Variants in SORCS3 observed in about 807,000 individuals in gnomAD.
The protein encoded by SORCS3 is VPS10 domain-containing receptor SorCS3.
Under a neutral mutation model 146.3 loss-of-function variants are expected in SORCS3, and 57 were observed. That is an observed-to-expected ratio of 0.39 (90% CI 0.31 to 0.49). The LOEUF (loss-of-function observed/expected upper bound fraction) is 0.49. Ranked by LOEUF, SORCS3 falls within the 20% of genes least tolerant of loss-of-function variation. SORCS3 has a pLI of 0.92. For missense variants in SORCS3, 1,341 were observed against 1,575.5 expected, an observed-to-expected ratio of 0.85 and a Z score of 2.52; for synonymous variants, 653 against 618.5, an observed-to-expected ratio of 1.06 and a Z score of -0.83.
intron 1 of SORCS3, 68 bp downstream of exon 1, chr10:104,642,022 G>GGGGGGCCCCCCC: frequency 3.5e-5 from 6 of 173,332 alleles, no homozygotes; most frequent in Non-Finnish European, 3.3e-5. Context: ...GGGTGGGTGG[G>GGGGGGCCCCCCC]AGCGAGGGAC....
intron 3 of SORCS3, among the ~76,000 whole-genome samples, chr10:104,939,376 G>A (rs1236501989): frequency 6.6e-6 from 1 of 152,162 alleles, no homozygotes; most frequent in Non-Finnish European, 1.5e-5. Context: ...CACAGTGCCT[G>A]GCACTGGGTT....
chr10:104,925,406 G>A (rs1184749580), intron 3 of SORCS3, among the ~76,000 whole-genome samples: 1 of 152,100 alleles, frequency 6.6e-6, no homozygotes, highest in Admixed American at 6.6e-5. Flanking sequence ...CATGATATAA[G>A]GAATATGCAC....
intron 3 of SORCS3, among the ~76,000 whole-genome samples, chr10:104,946,966 A>G (rs948909927): frequency 6.6e-6 from 1 of 152,070 alleles, no homozygotes; most frequent in African/African-American, 2.4e-5. Flanking sequence ...GGATGGATGA[A>G]ACTGTGCTGA....
In SORCS3 at chr10:105,138,668, A is replaced by G. The variant is rs1033574812; in HGVS notation, c.1213-729A>G. On this transcript the variant is annotated intron_variant, in intron 7 of 26. Transcript: ENST00000369701. ...TTCAGCAGGCCCTGGCCAGAGGACC[A>G]TTTCTTGGCGTGGTTTCCACTTTCC... Among the ~76,000 whole-genome samples the G allele has an allele frequency of 2.6e-5, 4 of 152,288 alleles. No individual in the cohort carries two copies. The East Asian group carries it at 5.8e-4, about 22-fold the overall frequency.
chr10:105,252,359 C>G lies in SORCS3; in HGVS notation c.3106-416C>G, dbSNP rs913364608. Reference sequence around the variant, plus strand: ...CTTTAATAAGTGAAAGCAAGTATTGCTCGGCTTTCTTTAAATTTGCATTTT... The same window carrying G: ...CTTTAATAAGTGAAAGCAAGTATTGGTCGGCTTTCTTTAAATTTGCATTTT... On this transcript the variant is annotated intron_variant, in intron 22 of 26. Coordinates refer to ENST00000369701, the MANE Select transcript of SORCS3 (RefSeq NM_014978.3). 6.7e-4 allele frequency among the ~76,000 whole-genome samples: 102 copies of G among 152,176 alleles called. 4 individuals are homozygous for G. Among genetic ancestry groups the G allele is most frequent in the Non-Finnish European group, 8.8e-5 (6 of 68,034 alleles).
At chr10:105,255,155 C>G (rs1438097055) in intron 23 of SORCS3, among the ~76,000 whole-genome samples, 1 of 142,332 alleles carries the variant, frequency 7.0e-6, no homozygotes, top group African/African-American at 2.6e-5. Context: ...CGCCACTGCA[C>G]TCCAACCTGG....
chr10:105,058,919 C>A (rs1272449460), intron 5 of SORCS3, among the ~76,000 whole-genome samples: 1 of 152,150 alleles, frequency 6.6e-6, no homozygotes, highest in East Asian at 1.9e-4. Flanking sequence ...AGTCACTATG[C>A]ATCATATACA....
chr10:105,068,838 G>A (rs150932270), intron 5 of SORCS3, among the ~76,000 whole-genome samples: 14 of 152,270 alleles, frequency 9.2e-5, no homozygotes, highest in African/African-American at 3.4e-4. Flanking sequence ...CAACTAATGT[G>A]TCAGCTTCTT....
intron 4 of SORCS3, among the ~76,000 whole-genome samples, chr10:104,988,152 C>A (rs1426015403): frequency 6.6e-6 from 1 of 152,174 alleles, no homozygotes; most frequent in East Asian, 1.9e-4. Flanking sequence ...GGTCACACAG[C>A]CAGTGAGGGG....
At chr10:104,645,458 A>G (rs2015482644) in intron 1 of SORCS3, among the ~76,000 whole-genome samples, 1 of 152,120 alleles carries the variant, frequency 6.6e-6, no homozygotes, top group Non-Finnish European at 1.5e-5. Flanking sequence ...TCTTGGATTA[A>G]CCCTTCATGG....
intron 2 of SORCS3, among the ~76,000 whole-genome samples, chr10:104,898,101 A>G (rs2018817346): frequency 6.6e-6 from 1 of 152,202 alleles, no homozygotes; most frequent in Non-Finnish European, 1.5e-5. Flanking sequence ...GTATCTGAAG[A>G]ACGTGAGTTC....
chr10:104,659,951 G>A (rs536633861), intron 1 of SORCS3, among the ~76,000 whole-genome samples: 69 of 152,258 alleles, frequency 4.5e-4, no homozygotes, highest in African/African-American at 1.6e-3. Context: ...GGGGAGGGAG[G>A]ACTATGTGAA....
At chr10:105,056,028 C>T (rs987170980) in intron 5 of SORCS3, among the ~76,000 whole-genome samples, 2 of 152,140 alleles carry the variant, frequency 1.3e-5, no homozygotes, top group African/African-American at 4.8e-5. Flanking sequence ...TAGGACTGCT[C>T]AGAAGGTAAA....
intron 1 of SORCS3, among the ~76,000 whole-genome samples, chr10:104,806,163 G>A (rs984305833): frequency 1.3e-5 from 2 of 152,202 alleles, no homozygotes; most frequent in Admixed American, 1.3e-4. Context: ...CACATGGCTA[G>A]TAATTTAGAA....
Position 104,713,365 on chromosome 10 carries a change from C to T in SORCS3, c.627+71411C>T, listed in dbSNP as rs527848164. 5.1e-4 allele frequency among the ~76,000 whole-genome samples: 78 copies of T among 152,264 alleles called. No individual in the cohort carries two copies. The Middle Eastern group carries it at 0.01, about 20-fold the overall frequency. On this transcript the variant is annotated intron_variant, in intron 1 of 26. Coordinates refer to ENST00000369701, the MANE Select transcript of SORCS3 (RefSeq NM_014978.3). ...ACCTGAGGGAAAAATCAGCTTTCAC[C>T]TTTTGTCCTTTTCTGTGGGATGTTT...
At position 104,722,542 on chromosome 10, in the gene SORCS3, C is replaced by G. The variant is rs571929561; in HGVS notation, c.627+80588C>G. Among the ~76,000 whole-genome samples the G allele has an allele frequency of 2.0e-5, 3 of 152,296 alleles. No homozygotes were observed. The South Asian group carries it at 6.2e-4, about 32-fold the overall frequency. On this transcript the variant is annotated intron_variant, in intron 1 of 26. Coordinates refer to ENST00000369701, the MANE Select transcript of SORCS3 (RefSeq NM_014978.3). ...CTTTTTCTATTGATTGGAAAAGTTT[C>G]AGAAGGAATGGTACCAGCCCCTCCT... is the stretch of plus-strand genomic sequence containing the variant.
At chr10:105,073,981 T>C (rs1275361775) in intron 5 of SORCS3, among the ~76,000 whole-genome samples, 1 of 152,220 alleles carries the variant, frequency 6.6e-6, no homozygotes, top group Non-Finnish European at 1.5e-5. Flanking sequence ...CCTCCCACTT[T>C]TCCTCTGCTG....
At chr10:105,221,557 C>T (rs1297831554) in intron 19 of SORCS3, among the ~76,000 whole-genome samples, 1 of 152,144 alleles carries the variant, frequency 6.6e-6, no homozygotes, top group African/African-American at 2.4e-5. Context: ...AGGATTAAGA[C>T]TCATAAGATA....
chr10:105,066,092 T>C (rs2055520998), intron 5 of SORCS3, among the ~76,000 whole-genome samples: 1 of 152,216 alleles, frequency 6.6e-6, no homozygotes, highest in African/African-American at 2.4e-5. Flanking sequence ...CTGTGCTTTA[T>C]AAAAAGCTAA....
Sources: gnomAD v4.1 joint callset for allele counts (sites outside exome capture counted in the v4.1 genomes callset) on GRCh38, gnomAD v4.1.1 for gene constraint, MANE v1.5 for transcripts, NCBI Gene and HGNC (gene_info 2026-07-23, HGNC 2026-07-21) for gene names.